Variants in DLG2 observed in about 807,000 individuals in gnomAD.
DLG2 encodes the protein discs large MAGUK scaffold protein 2.
Under a neutral mutation model 132.5 loss-of-function variants are expected in DLG2, and 45 were observed. That is an observed-to-expected ratio of 0.34 (90% CI 0.27 to 0.44). The LOEUF is 0.44. DLG2 is among the 20% of genes least tolerant of loss of function. DLG2 has a pLI of 1.00. For missense variants in DLG2, 1,045 were observed against 1,196.9 expected (o/e 0.87, Z 1.87); for synonymous variants, 424 against 419.6 (o/e 1.01, Z -0.13).
intron 3 of DLG2, among the ~76,000 whole-genome samples, chr11:85,527,243 T>C (rs1472561735): frequency 6.6e-6 from 1 of 151,960 alleles, no homozygotes; most frequent in Non-Finnish European, 1.5e-5. Context: ...GTTTGTTACA[T>C]AGATATACAT....
At chr11:84,016,417 G>A (rs2095190068) in intron 11 of DLG2, among the ~76,000 whole-genome samples, 2 of 151,962 alleles carry the variant, frequency 1.3e-5, no homozygotes, top group Admixed American at 1.3e-4. Context: ...ATCATAAAAT[G>A]TTTCCTCATG....
intron 25 of DLG2, among the ~76,000 whole-genome samples, 157 bp downstream of exon 25, chr11:83,469,044 A>C (rs553264651): frequency 6.6e-6 from 1 of 151,718 alleles, no homozygotes; most frequent in African/African-American, 2.4e-5. Flanking sequence ...GATTAATGAC[A>C]TTGCTCTAAG....
chr11:84,167,930 T>G (rs1285393815), intron 8 of DLG2, among the ~76,000 whole-genome samples: 1 of 152,216 alleles, frequency 6.6e-6, no homozygotes. Flanking sequence ...CCTCCCAAAG[T>G]GCTGGGATTA....
chr11:85,555,076 G>A (rs2076865569), intron 3 of DLG2, among the ~76,000 whole-genome samples: 1 of 151,758 alleles, frequency 6.6e-6, no homozygotes, highest in Non-Finnish European at 1.5e-5. Context: ...CTCCCACTTG[G>A]CTGCCTCATG....
At chr11:83,780,908 G>C (rs2094791887) in intron 18 of DLG2, among the ~76,000 whole-genome samples, 2 of 152,114 alleles carry the variant, frequency 1.3e-5, no homozygotes, top group Admixed American at 6.5e-5. Context: ...AGTGACAAGT[G>C]ACAATTTTTG....
intron 2 of DLG2, among the ~76,000 whole-genome samples, chr11:85,613,848 T>C (rs554074788): frequency 3.3e-5 from 5 of 152,232 alleles, no homozygotes; most frequent in African/African-American, 1.2e-4. Context: ...TGCTCACTCT[T>C]TGGGTATGTG....
intron 5 of DLG2, among the ~76,000 whole-genome samples, chr11:85,134,255 C>CTT (rs575257650): frequency 1.9e-4 from 28 of 145,590 alleles, no homozygotes; most frequent in South Asian, 1.3e-3. Context: ...CCACCACCCT[C>CTT]TTTTTTTTTT....
chr11:85,001,447 G>T (rs183101770), intron 6 of DLG2, among the ~76,000 whole-genome samples: 2 of 152,272 alleles, frequency 1.3e-5, no homozygotes, highest in East Asian at 3.9e-4. Context: ...TTAGGTCTTA[G>T]AAGTCTTTAC....
chr11:84,052,112 C>T (rs1396229339), intron 11 of DLG2, among the ~76,000 whole-genome samples: 1 of 151,648 alleles, frequency 6.6e-6, no homozygotes, highest in Non-Finnish European at 1.5e-5. Context: ...ACACAGATGC[C>T]CAAACTGGGA....
intron 6 of DLG2, among the ~76,000 whole-genome samples, chr11:85,045,788 G>T (rs1330216193): frequency 6.6e-6 from 1 of 152,024 alleles, no homozygotes; most frequent in African/African-American, 2.4e-5. Flanking sequence ...AAGGGAAGAG[G>T]AAATATGATG....
At chr11:83,749,462 T>C (rs573675838) in intron 18 of DLG2, among the ~76,000 whole-genome samples, 3 of 152,316 alleles carry the variant, frequency 2.0e-5, no homozygotes, top group South Asian at 2.1e-4. Flanking sequence ...TTTTCAGTTA[T>C]GATCTGTGCC....
At chr11:85,537,791 A>G (rs2075695954) in intron 3 of DLG2, among the ~76,000 whole-genome samples, 2 of 151,982 alleles carry the variant, frequency 1.3e-5, no homozygotes, top group South Asian at 4.1e-4. Context: ...GAACATCTGA[A>G]GGAACAAACT....
At chr11:84,619,686 TAAC>T (rs1006682056) in intron 6 of DLG2, among the ~76,000 whole-genome samples, 114 of 151,464 alleles carry the variant, frequency 7.5e-4, no homozygotes, top group African/African-American at 2.6e-3. Context: ...TTATCAACAA[TAAC>T]AACAACAAAA....
At chr11:84,234,787 T>A (rs1369287368) in intron 8 of DLG2, among the ~76,000 whole-genome samples, 2 of 152,192 alleles carry the variant, frequency 1.3e-5, no homozygotes, top group Non-Finnish European at 1.5e-5. Context: ...GAGCAGGCCC[T>A]GAAAGAAATT....
chr11:84,506,606 C>T (rs890733403), intron 7 of DLG2, among the ~76,000 whole-genome samples: 6 of 152,104 alleles, frequency 3.9e-5, no homozygotes, highest in African/African-American at 1.4e-4. Context: ...CTTCAGATAC[C>T]TTGATTTTAG....
At chr11:85,410,527 T>A (rs1215251668) in intron 3 of DLG2, among the ~76,000 whole-genome samples, 1 of 151,830 alleles carries the variant, frequency 6.6e-6, no homozygotes, top group Non-Finnish European at 1.5e-5. Context: ...CCCAAAATTG[T>A]AATGAATGTA....
chr11:84,677,039 T>C (rs2099713990), intron 6 of DLG2, among the ~76,000 whole-genome samples: 1 of 151,994 alleles, frequency 6.6e-6, no homozygotes, highest in African/African-American at 2.4e-5. Context: ...ATAAAAAGAA[T>C]TTGGGGTTTT....
chr11:84,089,969 TC>T (rs1315936279), intron 10 of DLG2, among the ~76,000 whole-genome samples: 7 of 152,190 alleles, frequency 4.6e-5, no homozygotes, highest in African/African-American at 1.4e-4. Context: ...TCAATATTGG[TC>T]CCTGGCAATT....
At chr11:84,492,024 A>G (rs1434706883) in intron 7 of DLG2, among the ~76,000 whole-genome samples, 2 of 152,168 alleles carry the variant, frequency 1.3e-5, no homozygotes, top group Non-Finnish European at 2.9e-5. Context: ...GCTTTTAAAA[A>G]GACATTTTAA....
Sources: allele counts gnomAD v4.1 joint callset (sites outside exome capture counted in the v4.1 genomes callset), GRCh38; gene constraint gnomAD v4.1.1; transcripts MANE v1.5; gene names NCBI Gene and HGNC (gene_info 2026-07-23, HGNC 2026-07-21).